PRKCH: variants seen among roughly 807,000 people sequenced by gnomAD.
PRKCH encodes protein kinase C eta.
A neutral mutation model predicts 82.5 loss-of-function variants in PRKCH; 28 were observed. That is an observed-to-expected ratio of 0.34 (90% CI 0.25 to 0.47). The LOEUF is 0.47. Ranked by LOEUF, PRKCH falls within the 20% of genes least tolerant of loss-of-function variation. The pLI is 1.00. For synonymous variants in PRKCH, 322 were observed against 327.4 expected (o/e 0.98, Z 0.18); for missense variants, 705 against 881.8 (o/e 0.80, Z 2.54).
chr14:61,521,537 T>A (rs1449351971), intron 10 of PRKCH, among the ~76,000 whole-genome samples: 2 of 151,994 alleles, frequency 1.3e-5, no homozygotes, highest in Non-Finnish European at 2.9e-5. Context: ...ATGTACAAGA[T>A]TGATGTTTTT....
chr14:61,475,873 G>C (rs1885707699), intron 9 of PRKCH, among the ~76,000 whole-genome samples: 1 of 152,202 alleles, frequency 6.6e-6, no homozygotes, highest in South Asian at 2.1e-4. Flanking sequence ...TTCTTTGGAA[G>C]CTAAAAGCTT....
intron 2 of PRKCH, among the ~76,000 whole-genome samples, chr14:61,405,416 C>T (rs909652404): frequency 8.5e-4 from 127 of 150,118 alleles, no homozygotes; most frequent in African/African-American, 3.0e-3. Context: ...TCACTCTTGT[C>T]GCCCAGGCTG....
At chr14:61,215,356 A>G (rs2044609374) in intron 1 of PRKCH, among the ~76,000 whole-genome samples, 1 of 152,232 alleles carries the variant, frequency 6.6e-6, no homozygotes, top group Non-Finnish European at 1.5e-5. Flanking sequence ...TTAAGATTGC[A>G]TCAGAGAAAC....
Position 61,446,542 on chromosome 14 carries a change from G to A in PRKCH, c.613+816G>A, listed in dbSNP as rs139048362. On this transcript the variant is annotated intron_variant, in intron 4 of 13. Transcript: ENST00000332981. ...CACCTTCTCTTCTGGAAGATGTGAG[G>A]TAAAACATTACTTCCCTTGGATGGA... Among the ~76,000 whole-genome samples the A allele has an allele frequency of 7.9e-5, 12 of 152,318 alleles. No individual in the cohort carries two copies. In the East Asian group the frequency reaches 2.3e-3, roughly 29 times the overall value.
At chr14:61,423,682 G>T (rs1051509221) in intron 2 of PRKCH, among the ~76,000 whole-genome samples, 3 of 152,118 alleles carry the variant, frequency 2.0e-5, no homozygotes, top group Non-Finnish European at 4.4e-5. Flanking sequence ...GGGAGTGATG[G>T]TTGACACCTA....
chr14:61,430,759 CT>C (rs76049144), intron 2 of PRKCH, among the ~76,000 whole-genome samples: 57 of 144,674 alleles, frequency 3.9e-4, no homozygotes, highest in Admixed American at 4.1e-4. Flanking sequence ...CAGCAGCTTC[CT>C]TTTTTTTTTT....
rs553182240 is a variant in PRKCH at position 61,485,020 on chromosome 14, G to A, written c.1279-482G>A. On this transcript the variant is annotated intron_variant, in intron 9 of 13. Transcript: ENST00000332981. The stretch of plus-strand genomic sequence containing the variant: ...ATTACAGGCATGAGCCACTGCACCC[G>A]GCCTCCACTTCTGTTTGGCTGACTT... 4.7e-4 allele frequency among the ~76,000 whole-genome samples: 72 copies of A among 151,640 alleles called. No homozygotes were observed. In the Middle Eastern group the frequency reaches 0.01, roughly 21 times the overall value.
At chr14:61,462,892 A>T (rs1235941950) in intron 9 of PRKCH, among the ~76,000 whole-genome samples, 2 of 152,222 alleles carry the variant, frequency 1.3e-5, no homozygotes, top group African/African-American at 4.8e-5. Flanking sequence ...CTAGCCGAGG[A>T]TCCCTTAGAT....
intron 1 of PRKCH, among the ~76,000 whole-genome samples, chr14:61,252,954 G>A (rs544516100): frequency 4.5e-4 from 68 of 152,250 alleles, no homozygotes; most frequent in Non-Finnish European, 7.5e-4. Context: ...AGCGTATGGT[G>A]GGCAAGAGAG....
intron 2 of PRKCH, among the ~76,000 whole-genome samples, chr14:61,436,475 A>G (rs1024659398): frequency 6.6e-6 from 1 of 152,234 alleles, no homozygotes; most frequent in Non-Finnish European, 1.5e-5. Context: ...GCTGTTTTCA[A>G]AAAACACAGA....
At chr14:61,487,580 C>T (rs1379723253) in intron 10 of PRKCH, among the ~76,000 whole-genome samples, 2 of 152,086 alleles carry the variant, frequency 1.3e-5, no homozygotes, top group Non-Finnish European at 2.9e-5. Flanking sequence ...ATCTCCACTC[C>T]GCTTGCCCCG....
chr14:61,221,018 T>C (rs372433828), intron 1 of PRKCH, among the ~76,000 whole-genome samples: 8 of 152,326 alleles, frequency 5.3e-5, no homozygotes, highest in African/African-American at 1.9e-4. Context: ...CAGACATTTA[T>C]AAAAATTACA....
rs573689775 is a variant in PRKCH, at chr14:61,497,063, G to A, written c.1433+11407G>A. ...AAAGGATGTTTGCACATCTGTAGTA[G>A]TGATGCATTTATATCCTCATACATA... On this transcript the variant is annotated intron_variant, in intron 10 of 13. Coordinates refer to ENST00000332981, the MANE Select transcript of PRKCH (RefSeq NM_006255.5). 7.2e-5 allele frequency among the ~76,000 whole-genome samples: 11 copies of A among 152,294 alleles called. No individual in the cohort carries two copies. In the South Asian group the frequency reaches 2.3e-3, roughly 32 times the overall value.
chr14:61,394,407 T>C (rs2046738294), intron 2 of PRKCH, among the ~76,000 whole-genome samples: 1 of 152,190 alleles, frequency 6.6e-6, no homozygotes, highest in African/African-American at 2.4e-5. Flanking sequence ...TGTAGTATTA[T>C]GGAACATTGT....
intron 2 of PRKCH, among the ~76,000 whole-genome samples, chr14:61,433,262 G>C (rs574185987): frequency 1.3e-5 from 2 of 151,994 alleles, no homozygotes; most frequent in Non-Finnish European, 2.9e-5. Context: ...GAAATGACTC[G>C]GCAGCATACT....
chr14:61,307,929 T>C (rs2045494946), intron 1 of PRKCH, among the ~76,000 whole-genome samples: 1 of 152,232 alleles, frequency 6.6e-6, no homozygotes, highest in African/African-American at 2.4e-5. Context: ...CTTGAAGTCC[T>C]GAGCCCAAGC....
At chr14:61,479,651 T>C (rs1164489523) in intron 9 of PRKCH, among the ~76,000 whole-genome samples, 1 of 152,176 alleles carries the variant, frequency 6.6e-6, no homozygotes, top group African/African-American at 2.4e-5. Context: ...GAACAGCCCT[T>C]AATGAGGGGG....
chr14:61,387,189 A>C (rs924458097), intron 1 of PRKCH, among the ~76,000 whole-genome samples: 1 of 152,224 alleles, frequency 6.6e-6, no homozygotes, highest in East Asian at 1.9e-4. Flanking sequence ...TTTTGTGCTC[A>C]AACCTGAACC....
chr14:61,244,785 T>C (rs2044866629), intron 1 of PRKCH, among the ~76,000 whole-genome samples: 1 of 152,236 alleles, frequency 6.6e-6, no homozygotes, highest in Non-Finnish European at 1.5e-5. Flanking sequence ...TTCCAACCTG[T>C]TACCTATTAT....
Sources: gnomAD v4.1 joint callset for allele counts (sites outside exome capture counted in the v4.1 genomes callset) on GRCh38, gnomAD v4.1.1 for gene constraint, MANE v1.5 for transcripts, NCBI Gene and HGNC (gene_info 2026-07-23, HGNC 2026-07-21) for gene names.